Variants in PGM5 observed in about 807,000 individuals in gnomAD.
PGM5 encodes phosphoglucomutase-like protein 5.
PGM5 carries 23 observed loss-of-function variants against 59.2 expected under a neutral mutation model. The observed-to-expected ratio is 0.39, with a 90% CI of 0.28 to 0.55. The LOEUF is 0.55. Ranked by LOEUF, PGM5 falls within the 20% of genes least tolerant of loss-of-function variation. The probability of loss-of-function intolerance (pLI) is 0.66; values close to 1 mark genes in which losing one functional copy is unlikely to be tolerated. For synonymous variants in PGM5, 214 were observed against 286.0 expected (o/e 0.75, Z 2.54); for missense variants, 574 against 748.3 (o/e 0.77, Z 2.72).
intron 5 of PGM5, among the ~76,000 whole-genome samples, chr9:68,392,086 A>G (rs2777082): frequency 1.3e-5 from 2 of 151,820 alleles, no homozygotes; most frequent in Non-Finnish European, 2.9e-5. Context: ...GTATTTGGGG[A>G]CTTCTAAAGC....
At chr9:68,487,047 G>C (rs1554687576) in intron 9 of PGM5, among the ~76,000 whole-genome samples, 3 of 152,162 alleles carry the variant, frequency 2.0e-5, no homozygotes, top group African/African-American at 7.2e-5. Flanking sequence ...AGGAGAAACA[G>C]AACTATATCT....
chr9:68,468,150 A>G (rs1554685985), intron 7 of PGM5, among the ~76,000 whole-genome samples: 1 of 152,012 alleles, frequency 6.6e-6, no homozygotes, highest in East Asian at 1.9e-4. Context: ...CCAGTACCCA[A>G]TAATTGTCGT....
At chr9:68,519,454 A>G (rs1027609071) in intron 10 of PGM5, among the ~76,000 whole-genome samples, 1 of 152,090 alleles carries the variant, frequency 6.6e-6, no homozygotes, top group African/African-American at 2.4e-5. Context: ...CTAGACTTTG[A>G]TAGGTCAAGG....
At chr9:68,524,928 A>G (rs1052611495) in intron 10 of PGM5, among the ~76,000 whole-genome samples, 1 of 152,180 alleles carries the variant, frequency 6.6e-6, no homozygotes, top group African/African-American at 2.4e-5. Context: ...CATCTGTGCC[A>G]TGAAGAAATC....
intron 10 of PGM5, among the ~76,000 whole-genome samples, chr9:68,524,424 G>A (rs927297890): frequency 6.6e-6 from 1 of 152,134 alleles, no homozygotes; most frequent in Admixed American, 6.5e-5. Context: ...AGCAAGATAA[G>A]CGTTCACTGC....
chr9:68,529,765 A>T lies in PGM5; in HGVS notation c.*109A>T. 2 of 477,168 alleles carry T rather than the reference A, an allele frequency of 4.2e-6. No homozygotes were observed. Among genetic ancestry groups the T allele is most frequent in the Non-Finnish European group, 7.3e-6 (2 of 272,498 alleles). 29.6% of individuals were successfully genotyped at this position (477,168 alleles called of 1,614,324 possible). ...CCTCTTATGACTTTGGAAAAACAAA[A>T]GATATTTTGCTTTTGGGGGATAGAG... On this transcript the variant is annotated 3_prime_UTR_variant, in exon 11 of 11. Transcript: ENST00000396396.
At chr9:68,492,959 T>A (rs1023828859) in intron 9 of PGM5, among the ~76,000 whole-genome samples, 3 of 152,240 alleles carry the variant, frequency 2.0e-5, no homozygotes, top group Non-Finnish European at 4.4e-5. Flanking sequence ...GGAGATAAGA[T>A]CTGAGTTAGG....
intron 6 of PGM5, among the ~76,000 whole-genome samples, chr9:68,443,937 C>T (rs1437981398): frequency 2.0e-5 from 3 of 152,158 alleles, no homozygotes; most frequent in Admixed American, 6.5e-5. Flanking sequence ...AAAGGTAAAA[C>T]CCAGACTGAC....
At chr9:68,443,156 T>G (rs1823555237) in intron 6 of PGM5, among the ~76,000 whole-genome samples, 1 of 152,332 alleles carries the variant, frequency 6.6e-6, no homozygotes, top group African/African-American at 2.4e-5. Context: ...AATAATAAAC[T>G]GTGATATTTC....
At chr9:68,459,561 T>C (rs1357901047) in intron 6 of PGM5, among the ~76,000 whole-genome samples, 1 of 152,212 alleles carries the variant, frequency 6.6e-6, no homozygotes. Flanking sequence ...TGTTCTATGG[T>C]ACTCCTTTGT....
intron 9 of PGM5, among the ~76,000 whole-genome samples, chr9:68,487,429 T>TTCTC (rs147613742): frequency 0.27 from 32,101 of 118,852 alleles, 3,921 homozygotes; most frequent in Middle Eastern, 0.35. Flanking sequence ...GATACAACTA[T>TTCTC]TCTCTCTCTC....
At chr9:68,455,930 A>G (rs1823767355) in intron 6 of PGM5, among the ~76,000 whole-genome samples, 1 of 152,222 alleles carries the variant, frequency 6.6e-6, no homozygotes. Context: ...GCTCTTTTGC[A>G]TTCTATAATT....
chr9:68,400,779 C>T (rs1340384713), intron 6 of PGM5: 3 of 152,390 alleles, frequency 2.0e-5, no homozygotes, highest in African/African-American at 7.2e-5. Context: ...TATGTGGGTA[C>T]TGACGCTCTT....
At chr9:68,425,386 G>A (rs1823217529) in intron 6 of PGM5, among the ~76,000 whole-genome samples, 1 of 152,222 alleles carries the variant, frequency 6.6e-6, no homozygotes, top group South Asian at 2.1e-4. Context: ...AAGGATTAGA[G>A]TAGAGGAGAT....
At chr9:68,448,496 C>A (rs2132068241) in intron 6 of PGM5, among the ~76,000 whole-genome samples, 1 of 152,326 alleles carries the variant, frequency 6.6e-6, no homozygotes, top group South Asian at 2.1e-4. Flanking sequence ...CCTCTCTTCT[C>A]TTCTCAGTTA....
At position 68,531,039 on chromosome 9, in the gene PGM5, A is replaced by G. The variant is rs965147106; in HGVS notation, c.*1383A>G. ...TAGGACATTTAGTGGCCAATAAAAA[A>G]GAAATTCCTAATTTCAACCTTATCC... On this transcript the variant is annotated 3_prime_UTR_variant, in exon 11 of 11. Transcript: ENST00000396396. The G allele has an allele frequency of 2.0e-5, 3 of 152,198 alleles. No homozygotes were observed. Among genetic ancestry groups the G allele is most frequent in the Non-Finnish European group, 4.4e-5 (3 of 68,028 alleles). The allele number at this position is 152,198 out of a possible 1,614,324, so 9.4% of individuals were successfully genotyped here.
rs1305461544 is a variant in PGM5 at position 68,437,272 on chromosome 9, T to C, written c.1044-27821T>C. 1.3e-5 allele frequency among the ~76,000 whole-genome samples: 2 copies of C among 152,226 alleles called. No homozygotes were observed. Among genetic ancestry groups the C allele is most frequent in the Admixed American group, 6.5e-5 (1 of 15,286 alleles). ...TTTTATTAATTTTCTCCTCTTGTTT[T>C]ATTACATCTGGGTACTTATTGAAGG... On this transcript the variant is annotated intron_variant, in intron 6 of 10. Transcript: ENST00000396396. This position sits in a 1 kb window ranked among gnomAD's most constrained non-coding sequence, Gnocchi z 4.1.
intron 7 of PGM5, among the ~76,000 whole-genome samples, chr9:68,476,504 C>G (rs1372024073): frequency 6.6e-6 from 1 of 152,174 alleles, no homozygotes; most frequent in Non-Finnish European, 1.5e-5. Context: ...CTTGTTTAAT[C>G]TGCCTGTCAC....
At chr9:68,519,492 T>C (rs1824866948) in intron 10 of PGM5, among the ~76,000 whole-genome samples, 1 of 151,522 alleles carries the variant, frequency 6.6e-6, no homozygotes, top group South Asian at 2.1e-4. Flanking sequence ...TAGGTAACGA[T>C]TAAAAAAAAT....
Sources: allele counts gnomAD v4.1 joint callset (sites outside exome capture counted in the v4.1 genomes callset), GRCh38; gene constraint gnomAD v4.1.1; non-coding constraint Gnocchi (gnomAD v3.1); transcripts MANE v1.5; gene names NCBI Gene and HGNC (gene_info 2026-07-23, HGNC 2026-07-21).